OMA1: variants seen among roughly 807,000 people sequenced by gnomAD.
The protein encoded by OMA1 is OMA1 zinc metallopeptidase, also known as metalloendopeptidase OMA1, mitochondrial.
A neutral mutation model predicts 30.9 loss-of-function variants in OMA1; 38 were observed. The observed-to-expected ratio is 1.23, with a 90% CI of 0.95 to 1.61. The LOEUF (loss-of-function observed/expected upper bound fraction) is 1.61. Among genes scored for constraint, OMA1 ranks in the 40% most tolerant of loss-of-function variants. OMA1 has a pLI of 0.00. For synonymous variants in OMA1, 173 were observed against 121.9 expected, an observed-to-expected ratio of 1.42 and a Z score of -2.76; for missense variants, 461 against 349.2, an observed-to-expected ratio of 1.32 and a Z score of -2.55.
At chr1:58,517,646 T>C (rs1316428999) in intron 7 of OMA1, among the ~76,000 whole-genome samples, 1 of 152,188 alleles carries the variant, frequency 6.6e-6, no homozygotes, top group Non-Finnish European at 1.5e-5. Context: ...AATTTCTGTC[T>C]CTTGAATTCT....
At chr1:58,512,985 T>C (rs1646104869) in intron 7 of OMA1, among the ~76,000 whole-genome samples, 1 of 152,194 alleles carries the variant, frequency 6.6e-6, no homozygotes, top group Admixed American at 6.5e-5. Context: ...CAAGTCTAAT[T>C]CTTTTGCTTC....
At chr1:58,487,753 ACTC>A (rs1340791405) in intron 8 of OMA1, among the ~76,000 whole-genome samples, 3 of 152,008 alleles carry the variant, frequency 2.0e-5, no homozygotes, top group African/African-American at 7.2e-5. Context: ...TATAATTTCT[ACTC>A]CTAGCTGCAT....
chr1:58,503,523 T>A (rs1645941496), intron 8 of OMA1, among the ~76,000 whole-genome samples: 1 of 152,148 alleles, frequency 6.6e-6, no homozygotes, highest in South Asian at 2.1e-4. Context: ...TGTCAAAATT[T>A]ATATGTTGAA....
At chr1:58,521,344 T>C (rs1392015264) in intron 7 of OMA1, among the ~76,000 whole-genome samples, 2 of 151,064 alleles carry the variant, frequency 1.3e-5, no homozygotes, top group Non-Finnish European at 1.5e-5. Context: ...AAAAAGAGTT[T>C]AAAATAAATG....
chr1:58,488,370 C>G (rs1645613289), intron 8 of OMA1, among the ~76,000 whole-genome samples: 1 of 152,036 alleles, frequency 6.6e-6, no homozygotes, highest in Non-Finnish European at 1.5e-5. Flanking sequence ...AGGCAGTGTT[C>G]AGTTACGTGA....
intron 8 of OMA1, among the ~76,000 whole-genome samples, chr1:58,485,212 T>C (rs1326574980): frequency 1.1e-4 from 1 of 9,280 alleles, no homozygotes; most frequent in East Asian, 3.7e-3. Context: ...AGTCTAAAAA[T>C]AAAAGAGTCT....
At chr1:58,492,751 A>G (rs338256) in intron 8 of OMA1, among the ~76,000 whole-genome samples, 1 of 152,078 alleles carries the variant, frequency 6.6e-6, no homozygotes, top group African/African-American at 2.4e-5. Context: ...CAATAACAGG[A>G]TCTGAAATTG....
At chr1:58,524,524 C>A (rs1646319473) in intron 7 of OMA1, among the ~76,000 whole-genome samples, 1 of 152,188 alleles carries the variant, frequency 6.6e-6, no homozygotes, top group Non-Finnish European at 1.5e-5. Flanking sequence ...AAAGGTGCAT[C>A]TTCTATACAA....
intron 8 of OMA1, among the ~76,000 whole-genome samples, chr1:58,485,748 T>C (rs1033555385): frequency 3.3e-5 from 5 of 152,204 alleles, no homozygotes; most frequent in Admixed American, 3.3e-4. Context: ...AGCTAGAATA[T>C]GTCTTTCCAC....
At chr1:58,544,441 A>G (rs1416940068) in intron 1 of OMA1, among the ~76,000 whole-genome samples, 7 of 152,174 alleles carry the variant, frequency 4.6e-5, no homozygotes, top group Admixed American at 4.6e-4. Flanking sequence ...GATACACCAA[A>G]CTATTCACAA....
intron 6 of OMA1, among the ~76,000 whole-genome samples, chr1:58,529,622 G>T (rs1018070288): frequency 6.6e-6 from 1 of 152,202 alleles, no homozygotes; most frequent in Non-Finnish European, 1.5e-5. Flanking sequence ...GCCCATTAAA[G>T]TTCAGAGGTT....
chr1:58,532,049 T>C (rs1646442428), intron 5 of OMA1, among the ~76,000 whole-genome samples: 1 of 152,058 alleles, frequency 6.6e-6, no homozygotes, highest in South Asian at 2.1e-4. Flanking sequence ...AAACTCAAAA[T>C]AAGGAAGTTG....
rs1264163683 is a variant in OMA1, at chr1:58,481,145, A to G, written c.1395T>C (p.Cys465=). Residue 465 remains cysteine, a synonymous_variant, in exon 9 of 9, where the codon TGT becomes TGC. Transcript: ENST00000371226. ...GAGGGTCTGGATTAGACAGTGGTGG[A>G]CAATTACACATCTCTCTAATTTTGA... is the stretch of plus-strand genomic sequence containing the variant. The part of the protein sequence containing the change: ...QALKIREMCN[C]PPLSNPDPRL... 3 of 860,756 alleles carry G rather than the reference A, an allele frequency of 3.5e-6. No homozygotes were observed. In the Admixed American group the frequency reaches 5.2e-5, roughly 15 times the overall value. 53.3% of individuals were successfully genotyped at this position (860,756 alleles called of 1,614,324 possible). A position where few individuals can be genotyped will look rare whatever the true frequency, so the allele number is the denominator to read the frequency against.
At chr1:58,534,454 C>T (rs1037976836) in intron 3 of OMA1, 123 bp from the exon 4 acceptor site, 4 of 559,072 alleles carry the variant, frequency 7.2e-6, no homozygotes, top group Non-Finnish European at 1.2e-5. Context: ...TAAAAATCTG[C>T]ATATATTAAG....
chr1:58,513,493 A>C (rs902551437), intron 7 of OMA1, among the ~76,000 whole-genome samples: 2 of 152,218 alleles, frequency 1.3e-5, no homozygotes, highest in African/African-American at 4.8e-5. Context: ...ACACGAAGAA[A>C]GAATTAGACT....
intron 2 of OMA1, 85 bp from the exon 3 acceptor site, chr1:58,536,826 G>A (rs749135893): frequency 3.3e-5 from 24 of 727,614 alleles, no homozygotes; most frequent in Non-Finnish European, 5.1e-5. Context: ...AGAATTTTAC[G>A]TCCTCAAATA....
intron 8 of OMA1, among the ~76,000 whole-genome samples, chr1:58,484,532 C>T (rs2100355898): frequency 6.6e-6 from 1 of 152,234 alleles, no homozygotes; most frequent in East Asian, 1.9e-4. Flanking sequence ...ACCTCAGAAT[C>T]CTTAGAAAAT....
At chr1:58,532,238 T>G (rs1646444952) in intron 5 of OMA1, among the ~76,000 whole-genome samples, 1 of 152,184 alleles carries the variant, frequency 6.6e-6, no homozygotes, top group African/African-American at 2.4e-5. Context: ...GTTTAAGATC[T>G]CTGCAAAAAC....
At chr1:58,490,831 G>A (rs1241178081) in intron 8 of OMA1, among the ~76,000 whole-genome samples, 10 of 103,200 alleles carry the variant, frequency 9.7e-5, no homozygotes, top group African/African-American at 2.2e-4. Context: ...TTTTTGAGAC[G>A]GACTCTCGCT....
Sources: gnomAD v4.1 joint callset for allele counts (sites outside exome capture counted in the v4.1 genomes callset) on GRCh38, gnomAD v4.1.1 for gene constraint, MANE v1.5 for transcripts, NCBI Gene and HGNC (gene_info 2026-07-23, HGNC 2026-07-21) for gene names.